Variants in TTC34 observed in about 807,000 individuals in gnomAD.
The protein encoded by TTC34 is tetratricopeptide repeat domain 34, also known as tetratricopeptide repeat protein 34.
In TTC34, 44 loss-of-function variants were observed where a neutral mutation model predicts 40.7. The observed-to-expected ratio is 1.08, with a 90% CI of 0.85 to 1.39. The LOEUF (loss-of-function observed/expected upper bound fraction) is 1.39, where lower values mean the gene tolerates loss of function less well. TTC34 is among the 40% of genes most tolerant of loss of function. The pLI, the probability that TTC34 is intolerant of heterozygous loss-of-function variation, is 0.00. For synonymous variants in TTC34, 422 were observed against 398.6 expected (o/e 1.06, Z -0.70); for missense variants, 884 against 838.0 (o/e 1.05, Z -0.68).
intron 2 of TTC34, among the ~76,000 whole-genome samples, chr1:2,795,471 TCATGATTC>T (rs1167292797): frequency 6.6e-6 from 1 of 152,174 alleles, no homozygotes; most frequent in African/African-American, 2.4e-5. Flanking sequence ...CTCTCACTGG[TCATGATTC>T]CAGCTTCCTT....
At chr1:2,685,113 C>A (rs546365623) in intron 6 of TTC34, among the ~76,000 whole-genome samples, 13 of 145,632 alleles carry the variant, frequency 8.9e-5, no homozygotes, top group African/African-American at 3.6e-4. Flanking sequence ...GGATCAGCAC[C>A]CACACCCCCA....
chr1:2,692,471 TGA>T (rs1640666749), intron 6 of TTC34, among the ~76,000 whole-genome samples: 1 of 86,140 alleles, frequency 1.2e-5, no homozygotes, highest in Non-Finnish European at 2.6e-5. Context: ...CACCCCCAGG[TGA>T]GCATCTGACA....
chr1:2,778,603 G>A (rs1446755525), intron 6 of TTC34, among the ~76,000 whole-genome samples: 1 of 152,180 alleles, frequency 6.6e-6, no homozygotes, highest in Non-Finnish European at 1.5e-5. Flanking sequence ...GCATTCACCC[G>A]AGGTTGATGG....
At chr1:2,691,122 C>T (rs1417690499) in intron 6 of TTC34, among the ~76,000 whole-genome samples, 3 of 70,584 alleles carry the variant, frequency 4.3e-5, no homozygotes, top group African/African-American at 9.4e-5. Context: ...CATCTGACAG[C>T]CTGGAACAGA....
chr1:2,683,470 C>A (rs202231322), intron 6 of TTC34, among the ~76,000 whole-genome samples: 6 of 143,740 alleles, frequency 4.2e-5, no homozygotes, highest in Admixed American at 2.8e-4. Context: ...GCAGCACCCA[C>A]ACCACCAGGC....
intron 6 of TTC34, among the ~76,000 whole-genome samples, chr1:2,773,050 A>C (rs1569843774): frequency 7.8e-6 from 1 of 128,636 alleles, no homozygotes; most frequent in African/African-American, 3.0e-5. Context: ...CTGGAGCAGC[A>C]CGCACACCCC....
intron 2 of TTC34, among the ~76,000 whole-genome samples, chr1:2,797,438 C>T (rs1643719420): frequency 1.3e-5 from 2 of 152,120 alleles, no homozygotes; most frequent in Non-Finnish European, 2.9e-5. Flanking sequence ...GACTTTCAAC[C>T]TCTCATTTGC....
chr1:2,761,790 AGCACGGAACAGCACTCTCG>A (rs1470998460), intron 6 of TTC34, among the ~76,000 whole-genome samples: 1 of 55,440 alleles, frequency 1.8e-5, no homozygotes, highest in Non-Finnish European at 3.1e-5. Flanking sequence ...AGCATCTGAA[AGCACGGAACAGCACTCTCG>A]ACCCCAGGGG....
chr1:2,752,015 G>C (rs1201430278), intron 6 of TTC34, among the ~76,000 whole-genome samples: 4 of 118,080 alleles, frequency 3.4e-5, no homozygotes, highest in Non-Finnish European at 6.8e-5. Context: ...CACACACCCA[G>C]CTGAGCATCT....
intron 6 of TTC34, among the ~76,000 whole-genome samples, chr1:2,677,801 G>C (rs527657592): frequency 9.5e-4 from 11 of 11,616 alleles, no homozygotes; most frequent in Admixed American, 8.4e-3. Flanking sequence ...CGCATCACAT[G>C]GCATCCTCAC....
At chr1:2,687,647 C>T (rs1386476340) in intron 6 of TTC34, among the ~76,000 whole-genome samples, 3 of 151,472 alleles carry the variant, frequency 2.0e-5, no homozygotes, top group African/African-American at 4.9e-5. Flanking sequence ...GCACCCACAC[C>T]CCCAGGTGAG....
At chr1:2,682,702 C>CGCTG (rs1557605587) in intron 6 of TTC34, among the ~76,000 whole-genome samples, 179 of 133,394 alleles carry the variant, frequency 1.3e-3, no homozygotes, top group Non-Finnish European at 2.1e-3. Flanking sequence ...TGGAGCAGCA[C>CGCTG]CCACACACCC....
rs368497684 is a variant in TTC34, at chr1:2,791,560, C to G, written c.785-1214G>C. ...GCTGCTGTTGCGGTAAGCGCCGAGT[C>G]CAGCACAGAAGGTGTCTCGTGCCCT... On this transcript the variant is annotated intron_variant, in intron 2 of 8. Coordinates refer to ENST00000401095, the Ensembl canonical transcript of TTC34. Among the ~76,000 whole-genome samples, 9 of 152,342 alleles carry G rather than the reference C, an allele frequency of 5.9e-5. No individual in the cohort carries two copies. The South Asian group carries it at 1.7e-3, about 28-fold the overall frequency.
chr1:2,779,805 G>T (rs904578884), intron 6 of TTC34, among the ~76,000 whole-genome samples: 2 of 152,128 alleles, frequency 1.3e-5, no homozygotes, highest in African/African-American at 2.4e-5. Context: ...ATATCTCGTT[G>T]TTTTGATTTG....
In TTC34 at chr1:2,645,496, G is replaced by C; in HGVS notation, c.2294C>G (p.Ser765Cys). The change falls in exon 7 of 9, where the codon TCT (serine) becomes TGT (cysteine). Residue 765 changes from serine (S) to cysteine (C), a missense_variant. Ser to Cys is a moderately radical substitution (Grantham distance 112). Coordinates refer to ENST00000401095, the Ensembl canonical transcript of TTC34. This position sits in a 1 kb window ranked among gnomAD's most constrained non-coding sequence, Gnocchi z 4.7. ...GAGGGCCTGGGCTTCCGGCTTCAGAGAGCGGAGCTCAGGGACCACAGTCCC... is the reference window on the plus strand; with the variant it reads ...GAGGGCCTGGGCTTCCGGCTTCAGACAGCGGAGCTCAGGGACCACAGTCCC... 6.5e-7 allele frequency: 1 copy of C among 1,529,368 alleles called. No individual in the cohort carries two copies. Among genetic ancestry groups the C allele is most frequent in the Non-Finnish European group, 8.7e-7 (1 of 1,143,830 alleles). 94.7% of individuals were successfully genotyped at this position (1,529,368 alleles called of 1,614,324 possible). A position where few individuals can be genotyped will look rare whatever the true frequency, so the allele number is the denominator to read the frequency against.
In TTC34 at chr1:2,750,366, C is replaced by A. The variant is rs1641275655; in HGVS notation, c.2226+33243G>T. ...ACAGCCTTGAACAGCACCCTGCACC[C>A]CGAGGTGAGCATCTGACAGCCTGGA... On this transcript the variant is annotated intron_variant, in intron 6 of 8. Transcript: ENST00000401095. Among the ~76,000 whole-genome samples, 2 of 114,714 alleles carry A rather than the reference C, an allele frequency of 1.7e-5. 1 individual carries two copies. Among genetic ancestry groups the A allele is most frequent in the African/African-American group, 7.9e-5 (2 of 25,256 alleles). 75.3% of individuals were successfully genotyped at this position (114,714 alleles called of 152,430 possible).
intron 6 of TTC34, among the ~76,000 whole-genome samples, chr1:2,660,791 C>A (rs182140214): frequency 2.9e-4 from 7 of 24,158 alleles, no homozygotes; most frequent in Admixed American, 6.2e-4. Flanking sequence ...AGCACCCACA[C>A]CCCCAGGTGA....
intron 6 of TTC34, among the ~76,000 whole-genome samples, chr1:2,759,430 A>T (rs1297694085): frequency 7.5e-5 from 5 of 66,666 alleles, no homozygotes; most frequent in Non-Finnish European, 8.3e-5. Flanking sequence ...CTGGATCAGC[A>T]CCCACACTCC....
intron 6 of TTC34, among the ~76,000 whole-genome samples, chr1:2,674,725 A>G (rs1570786508): frequency 1.9e-5 from 1 of 52,770 alleles, no homozygotes; most frequent in Non-Finnish European, 3.7e-5. Flanking sequence ...CTGCACCCCC[A>G]GGTGAGCATC....
Sources: gnomAD v4.1 joint callset for allele counts (sites outside exome capture counted in the v4.1 genomes callset) on GRCh38, gnomAD v4.1.1 for gene constraint, Gnocchi (gnomAD v3.1) non-coding constraint, MANE v1.5 for transcripts, NCBI Gene and HGNC (gene_info 2026-07-23, HGNC 2026-07-21) for gene names.